The following TTC17 variants were observed in gnomAD, a reference collection of about 807,000 sequenced individuals.
TTC17 encodes tetratricopeptide repeat domain 17.
Under a neutral mutation model 143.8 loss-of-function variants are expected in TTC17, and 58 were observed. That is an observed-to-expected ratio of 0.40 (90% CI 0.33 to 0.50). The LOEUF (loss-of-function observed/expected upper bound fraction) is 0.50. TTC17 is among the 20% of genes least tolerant of loss of function. TTC17 has a pLI of 0.49. For missense variants in TTC17, 1,273 were observed against 1,392.5 expected (o/e 0.91, Z 1.37); for synonymous variants, 501 against 497.8 (o/e 1.01, Z -0.09).
At chr11:43,408,139 G>T (rs1858230704) in intron 15 of TTC17, among the ~76,000 whole-genome samples, 1 of 152,060 alleles carries the variant, frequency 6.6e-6, no homozygotes, top group Non-Finnish European at 1.5e-5. Context: ...TCTGATATCA[G>T]GATGGATGTT....
At chr11:43,398,476 A>G (rs948660282) in intron 8 of TTC17, among the ~76,000 whole-genome samples, 1 of 152,176 alleles carries the variant, frequency 6.6e-6, no homozygotes, top group Admixed American at 6.5e-5. Flanking sequence ...AGAATATACT[A>G]AGTTTCAGTA....
intron 21 of TTC17, among the ~76,000 whole-genome samples, chr11:43,483,816 A>T (rs915371061): frequency 8.5e-5 from 13 of 152,352 alleles, no homozygotes; most frequent in Middle Eastern, 6.8e-3. Context: ...TCAACCTTGT[A>T]CTGAAACTCC....
chr11:43,369,415 T>C (rs756190231), intron 1 of TTC17, among the ~76,000 whole-genome samples: 63 of 152,314 alleles, frequency 4.1e-4, no homozygotes, highest in Non-Finnish European at 7.8e-4. Flanking sequence ...AGGATACATT[T>C]GTACATTTCA....
intron 1 of TTC17, chr11:43,370,167 A>T: frequency 1.1e-5 from 5 of 444,464 alleles, no homozygotes; most frequent in Non-Finnish European, 2.2e-5. Context: ...ACCTCAAAGA[A>T]GATGTAAGCC....
intron 21 of TTC17, chr11:43,466,438 C>T (rs1240370547): frequency 1.1e-5 from 2 of 178,878 alleles, no homozygotes; most frequent in Non-Finnish European, 2.3e-5. Flanking sequence ...AACAGCAAGC[C>T]CTTAGGACAC....
intron 21 of TTC17, among the ~76,000 whole-genome samples, chr11:43,480,441 T>A (rs2134861520): frequency 6.6e-6 from 1 of 152,118 alleles, no homozygotes; most frequent in East Asian, 1.9e-4. Context: ...GAAGAAAGAA[T>A]AAAGATATTT....
chr11:43,382,637 T>C (rs1857014334), intron 2 of TTC17, among the ~76,000 whole-genome samples: 1 of 152,210 alleles, frequency 6.6e-6, no homozygotes, highest in Admixed American at 6.5e-5. Context: ...GTAATTTGTT[T>C]CCTTTGTCTT....
intron 2 of TTC17, among the ~76,000 whole-genome samples, chr11:43,384,237 A>G (rs1335453904): frequency 6.6e-6 from 1 of 152,194 alleles, no homozygotes; most frequent in Non-Finnish European, 1.5e-5. Flanking sequence ...AGTATCTACT[A>G]TGCAAATGCT....
At chr11:43,469,057 T>A (rs980645550) in intron 21 of TTC17, among the ~76,000 whole-genome samples, 1 of 152,228 alleles carries the variant, frequency 6.6e-6, no homozygotes, top group Non-Finnish European at 1.5e-5. Flanking sequence ...TTTTTAAAGG[T>A]GAGTTTTGTG....
intron 21 of TTC17, among the ~76,000 whole-genome samples, chr11:43,472,189 A>T (rs1296532274): frequency 6.6e-6 from 1 of 151,988 alleles, no homozygotes; most frequent in African/African-American, 2.4e-5. Context: ...CATCTCTACT[A>T]AAAAAAGCAA....
intron 21 of TTC17, among the ~76,000 whole-genome samples, chr11:43,474,937 T>C (rs1482154826): frequency 6.6e-6 from 1 of 152,134 alleles, no homozygotes; most frequent in Non-Finnish European, 1.5e-5. Flanking sequence ...ACCATCTTCA[T>C]GTTAAGTAGG....
chr11:43,421,908 G>C (rs1946915781), intron 16 of TTC17, among the ~76,000 whole-genome samples: 1 of 151,106 alleles, frequency 6.6e-6, no homozygotes, highest in Non-Finnish European at 1.5e-5. Context: ...AAAAAGGTTG[G>C]GGACTGCTGA....
intron 16 of TTC17, among the ~76,000 whole-genome samples, chr11:43,420,456 G>A (rs1252375105): frequency 6.6e-6 from 1 of 152,146 alleles, no homozygotes; most frequent in African/African-American, 2.4e-5. Context: ...TGAACCCCAA[G>A]AGCATACCTA....
chr11:43,474,754 AC>A (rs1383178161), intron 21 of TTC17, among the ~76,000 whole-genome samples: 1 of 152,254 alleles, frequency 6.6e-6, no homozygotes, highest in African/African-American at 2.4e-5. Flanking sequence ...CCCACTATTG[AC>A]TGGCAGCCTT....
chr11:43,436,247 G>T, intron 16 of TTC17: 1 of 1,478,622 alleles, frequency 6.8e-7, no homozygotes, highest in South Asian at 1.4e-5. Context: ...TGCTGCTGAA[G>T]AAGAGCCCTC....
chr11:43,436,400 T>C (rs888236031), intron 16 of TTC17: 1 of 1,204,782 alleles, frequency 8.3e-7, no homozygotes, highest in African/African-American at 1.6e-5. Flanking sequence ...AAGCTTAGGC[T>C]TTTCTCTACT....
chr11:43,486,298 C>A (rs1446995184), intron 21 of TTC17: 1 of 272,720 alleles, frequency 3.7e-6, no homozygotes, highest in East Asian at 8.0e-5. Context: ...GATGAAACCA[C>A]CTGCTGTTGG....
intron 16 of TTC17, among the ~76,000 whole-genome samples, chr11:43,433,601 T>C (rs1163599247): frequency 6.6e-6 from 1 of 152,154 alleles, no homozygotes; most frequent in African/African-American, 2.4e-5. Flanking sequence ...CAGGGTCCCT[T>C]GTGCACATAA....
chr11:43,388,377 A>G (rs1169868412), intron 2 of TTC17, among the ~76,000 whole-genome samples: 1 of 149,508 alleles, frequency 6.7e-6, no homozygotes, highest in Non-Finnish European at 1.5e-5. Context: ...TTTGATACAC[A>G]TATAATGAAA....
Sources: gnomAD v4.1 joint callset for allele counts (sites outside exome capture counted in the v4.1 genomes callset) on GRCh38, gnomAD v4.1.1 for gene constraint, MANE v1.5 for transcripts, NCBI Gene and HGNC (gene_info 2026-07-23, HGNC 2026-07-21) for gene names.